Variants in CALN1 observed in about 807,000 individuals in gnomAD.
The protein encoded by CALN1 is calcium-binding protein 8.
Under a neutral mutation model 30.6 loss-of-function variants are expected in CALN1, and 17 were observed. The observed-to-expected ratio is 0.56, with a 90% CI of 0.38 to 0.83. The LOEUF is 0.83. Ranked by LOEUF, CALN1 falls within the 40% of genes least tolerant of loss-of-function variation. The pLI, the probability that CALN1 is intolerant of heterozygous loss-of-function variation, is 0.00. For synonymous variants in CALN1, 156 were observed against 131.4 expected (o/e 1.19, Z -1.28); for missense variants, 291 against 354.9 (o/e 0.82, Z 1.45).
intron 2 of CALN1, among the ~76,000 whole-genome samples, chr7:72,363,459 A>G (rs1803684327): frequency 6.6e-6 from 1 of 152,008 alleles, no homozygotes; most frequent in Non-Finnish European, 1.5e-5. Context: ...GGCTGGTCTC[A>G]AACCCCTGAC....
the CALN1 span, among the ~76,000 whole-genome samples, chr7:72,480,990 T>C: frequency 1.3e-5 from 2 of 152,222 alleles, no homozygotes; most frequent in Non-Finnish European, 2.9e-5. Flanking sequence ...TCTCGCTCTG[T>C]TGCCCAGGCT....
chr7:72,112,417 A>C (rs528833024), intron 3 of CALN1, among the ~76,000 whole-genome samples: 19 of 152,318 alleles, frequency 1.2e-4, no homozygotes, highest in African/African-American at 4.6e-4. Context: ...CATTGCATAA[A>C]GTGATGGCTT....
chr7:72,270,606 T>TA (rs1011737152), intron 3 of CALN1, among the ~76,000 whole-genome samples: 4 of 151,718 alleles, frequency 2.6e-5, no homozygotes, highest in Admixed American at 2.6e-4. Context: ...ACCCCATCTC[T>TA]AAAAAAAATT....
intron 2 of CALN1, among the ~76,000 whole-genome samples, chr7:72,365,345 A>T (rs796761828): frequency 9.8e-5 from 15 of 152,290 alleles, no homozygotes; most frequent in African/African-American, 3.4e-4. Context: ...AAGAAGAAAA[A>T]AATAATAATT....
At chr7:72,487,917 A>AGAAGGAAGGAAG in the CALN1 span, among the ~76,000 whole-genome samples, 22 of 62,276 alleles carry the variant, frequency 3.5e-4, no homozygotes, top group East Asian at 4.5e-4. Flanking sequence ...AAAGAAAGAA[A>AGAAGGAAGGAAG]GAAGGAAGGA....
intron 2 of CALN1, among the ~76,000 whole-genome samples, chr7:72,342,791 G>C (rs1214648705): frequency 6.6e-6 from 1 of 151,710 alleles, no homozygotes; most frequent in African/African-American, 2.4e-5. Flanking sequence ...AAGTGCCCAA[G>C]ACACCCAAGG....
chr7:72,250,775 C>T (rs965623769), intron 3 of CALN1, among the ~76,000 whole-genome samples: 1 of 152,096 alleles, frequency 6.6e-6, no homozygotes, highest in African/African-American at 2.4e-5. Context: ...AGTAAAAGCT[C>T]CCTGAGGCCT....
chr7:71,794,245 G>A (rs1786753176), intron 6 of CALN1, among the ~76,000 whole-genome samples: 1 of 152,094 alleles, frequency 6.6e-6, no homozygotes, highest in African/African-American at 2.4e-5. Context: ...ATTCTTTTTG[G>A]TCTCCTGCAT....
chr7:72,098,327 C>A (rs939971480), intron 4 of CALN1, among the ~76,000 whole-genome samples: 1 of 152,090 alleles, frequency 6.6e-6, no homozygotes, highest in Non-Finnish European at 1.5e-5. Flanking sequence ...AGTTAAAGTT[C>A]CAAGAAATAA....
chr7:71,838,868 C>A (rs1227643677), intron 5 of CALN1, among the ~76,000 whole-genome samples: 1 of 152,118 alleles, frequency 6.6e-6, no homozygotes, highest in Admixed American at 6.5e-5. Flanking sequence ...GAGGCCTCCC[C>A]AGCCATACTG....
intron 2 of CALN1, among the ~76,000 whole-genome samples, chr7:72,398,471 C>A (rs1806121005): frequency 6.6e-6 from 1 of 152,190 alleles, no homozygotes; most frequent in African/African-American, 2.4e-5. Flanking sequence ...GATCACATAT[C>A]AATAGTGCAC....
At chr7:72,433,956 G>A (rs1003880738) in intron 1 of CALN1, among the ~76,000 whole-genome samples, 4 of 151,910 alleles carry the variant, frequency 2.6e-5, no homozygotes, top group Admixed American at 1.3e-4. Flanking sequence ...AGCTACTCGG[G>A]AAGCTGAGGC....
intron 2 of CALN1, among the ~76,000 whole-genome samples, chr7:72,394,662 CTT>C (rs11313018): frequency 0.083 from 10,510 of 126,036 alleles, 452 homozygotes; most frequent in African/African-American, 0.15. Flanking sequence ...GTACCATTGA[CTT>C]TTTTTTTTTT....
chr7:72,212,461 C>G (rs569764), intron 3 of CALN1, among the ~76,000 whole-genome samples: 6,396 of 152,070 alleles, frequency 0.042, 424 homozygotes, highest in African/African-American at 0.14. Context: ...TGAAACTATT[C>G]CAAAATATCT....
At chr7:72,076,611 CAAAAAAAAAAAAAAAAAA>C (rs572245834) in intron 4 of CALN1, among the ~76,000 whole-genome samples, 8 of 6,126 alleles carry the variant, frequency 1.3e-3, no homozygotes, top group East Asian at 0.011. Flanking sequence ...AAAAAAAAAG[CAAAAAAAAAAAAAAAAAA>C]AAAAAAAAAA....
intron 2 of CALN1, among the ~76,000 whole-genome samples, chr7:72,337,955 A>C (rs1452985966): frequency 6.6e-6 from 1 of 152,242 alleles, no homozygotes; most frequent in Non-Finnish European, 1.5e-5. Flanking sequence ...ACGCCCAGAC[A>C]GACCCCTGCC....
intron 5 of CALN1, among the ~76,000 whole-genome samples, chr7:71,818,003 C>G (rs977991262): frequency 6.6e-6 from 1 of 151,840 alleles, no homozygotes; most frequent in African/African-American, 2.4e-5. Context: ...TTCTGTAGTG[C>G]AAAAAGATTT....
At chr7:72,203,123 G>T (rs1791556178) in intron 3 of CALN1, among the ~76,000 whole-genome samples, 1 of 152,090 alleles carries the variant, frequency 6.6e-6, no homozygotes, top group African/African-American at 2.4e-5. Flanking sequence ...ACTCATAAGT[G>T]GGAGCTGAAC....
chr7:71,942,414 G>T (rs1388970879), intron 5 of CALN1: 1 of 171,718 alleles, frequency 5.8e-6, no homozygotes, highest in South Asian at 1.6e-4. Flanking sequence ...CCGTGTGTGA[G>T]GGGGACGTGC....
Sources: gnomAD v4.1 joint callset for allele counts (sites outside exome capture counted in the v4.1 genomes callset) on GRCh38, gnomAD v4.1.1 for gene constraint, MANE v1.5 for transcripts, NCBI Gene and HGNC (gene_info 2026-07-23, HGNC 2026-07-21) for gene names.